RPA3: variants seen among roughly 807,000 people sequenced by gnomAD.
RPA3 encodes replication protein A3.
In RPA3, 24 loss-of-function variants were observed where a neutral mutation model predicts 13.7. The ratio of observed to expected loss-of-function variants is 1.75; its 90% CI spans 1.27 to 2.46. RPA3 has a LOEUF of 2.46. RPA3 is among the 30% of genes most tolerant of loss of function. RPA3 has a pLI of 0.00. For missense variants in RPA3, 183 were observed against 151.0 expected (o/e 1.21, Z -1.11); for synonymous variants, 59 against 51.2 (o/e 1.15, Z -0.65).
intron 2 of RPA3, among the ~76,000 whole-genome samples, chr7:7,699,542 G>A (rs992195729): frequency 6.6e-6 from 1 of 152,194 alleles, no homozygotes; most frequent in Non-Finnish European, 1.5e-5. Flanking sequence ...AACTGCTAGA[G>A]AACTGAATCC....
At chr7:7,680,413 C>T (rs1291356004) in intron 4 of RPA3, among the ~76,000 whole-genome samples, 6 of 152,006 alleles carry the variant, frequency 3.9e-5, no homozygotes, top group Non-Finnish European at 8.8e-5. Context: ...TGTTTTTATG[C>T]CGGTACTGTG....
chr7:7,700,567 T>TA (rs1361260195), intron 2 of RPA3, among the ~76,000 whole-genome samples: 1 of 151,638 alleles, frequency 6.6e-6, no homozygotes, highest in Non-Finnish European at 1.5e-5. Context: ...CTCTACAAAA[T>TA]AAAAACAACA....
chr7:7,707,154 A>C (rs1772023551), intron 2 of RPA3, among the ~76,000 whole-genome samples: 1 of 152,104 alleles, frequency 6.6e-6, no homozygotes, highest in Non-Finnish European at 1.5e-5. Flanking sequence ...ATTTGAGGAG[A>C]TGGAATAAAC....
intron 2 of RPA3, among the ~76,000 whole-genome samples, chr7:7,688,145 G>C (rs529674318): frequency 1.3e-5 from 2 of 152,150 alleles, no homozygotes; most frequent in African/African-American, 4.8e-5. Flanking sequence ...TATTTTTGGG[G>C]GGAGAACATT....
At chr7:7,673,367 CAGCAAT>C (rs1563108170) in intron 4 of RPA3, 2 of 1,105,528 alleles carry the variant, frequency 1.8e-6, no homozygotes, top group African/African-American at 3.2e-5. Context: ...GCAGCAGCAG[CAGCAAT>C]GTTTCACTTC....
rs370707320 is a variant in RPA3 at position 7,639,031 on chromosome 7, A to T, written c.174+39T>A. On this transcript the variant is annotated intron_variant, in intron 6 of 7. Transcript: ENST00000223129. ...CAAACCAAATCAAGATGAAGAATTA[A>T]CTATAATATATAAGAGACTTATTAA... 9 of 1,427,790 alleles carry T rather than the reference A, an allele frequency of 6.3e-6. No homozygotes were observed. In the African/African-American group the frequency reaches 7.2e-5, roughly 11 times the overall value. The allele number at this position is 1,427,790 out of a possible 1,614,324, so 88.4% of individuals were successfully genotyped here. A position where few individuals can be genotyped will look rare whatever the true frequency, so the allele number is the denominator to read the frequency against.
chr7:7,694,754 A>C (rs747740416), intron 2 of RPA3, among the ~76,000 whole-genome samples: 5 of 152,186 alleles, frequency 3.3e-5, no homozygotes, highest in Admixed American at 2.6e-4. Context: ...TCCATTGTGC[A>C]TACGTACCAC....
intron 2 of RPA3, among the ~76,000 whole-genome samples, chr7:7,701,218 T>A (rs1780455119): frequency 6.6e-6 from 1 of 151,730 alleles, no homozygotes; most frequent in Admixed American, 6.6e-5. Context: ...AGGAATGAAC[T>A]GTATCATTTC....
chr7:7,705,032 C>T (rs1007123534), intron 2 of RPA3, among the ~76,000 whole-genome samples: 1 of 152,070 alleles, frequency 6.6e-6, no homozygotes, highest in African/African-American at 2.4e-5. Context: ...TGCTTCTTGG[C>T]ATCTGTAACA....
intron 4 of RPA3, among the ~76,000 whole-genome samples, chr7:7,678,490 AAT>A (rs1390848822): frequency 1.4e-5 from 2 of 140,862 alleles, no homozygotes; most frequent in Admixed American, 7.3e-5. Flanking sequence ...ATTTATAGAT[AAT>A]ATATATTTAT....
At chr7:7,699,047 TGTGG>T (rs932863892) in intron 2 of RPA3, among the ~76,000 whole-genome samples, 3 of 121,548 alleles carry the variant, frequency 2.5e-5, no homozygotes, top group Non-Finnish European at 5.4e-5. Context: ...TGTGTGTGTG[TGTGG>T]GGGGGGGGTA....
chr7:7,641,252 T>G (rs1784965603), intron 4 of RPA3, 77 bp from the exon 5 acceptor site: 1 of 152,146 alleles, frequency 6.6e-6, no homozygotes. Context: ...GAGGCGCCGG[T>G]TCTTTCACCC....
At chr7:7,664,057 A>G (rs1201472065) in intron 4 of RPA3, among the ~76,000 whole-genome samples, 2 of 152,200 alleles carry the variant, frequency 1.3e-5, no homozygotes, top group Non-Finnish European at 2.9e-5. Context: ...GATTTCTACC[A>G]TCTGCACAGT....
At chr7:7,672,774 G>A (rs1187227980) in intron 4 of RPA3, among the ~76,000 whole-genome samples, 3 of 152,120 alleles carry the variant, frequency 2.0e-5, no homozygotes, top group Non-Finnish European at 2.9e-5. Context: ...TCACTCAGTC[G>A]AGGATATTTC....
chr7:7,651,563 T>G (rs980208196), intron 4 of RPA3, among the ~76,000 whole-genome samples: 9 of 152,214 alleles, frequency 5.9e-5, no homozygotes, highest in African/African-American at 2.2e-4. Context: ...TCCATCCTCA[T>G]GTTGATCTCA....
chr7:7,639,454 T>C (rs1784917836), intron 5 of RPA3, among the ~76,000 whole-genome samples: 2 of 152,204 alleles, frequency 1.3e-5, no homozygotes, highest in African/African-American at 2.4e-5. Flanking sequence ...AAGTGAAATC[T>C]GCTGGCACTC....
chr7:7,716,665 G>C (rs1309634314), intron 1 of RPA3, among the ~76,000 whole-genome samples: 1 of 152,126 alleles, frequency 6.6e-6, no homozygotes, highest in Non-Finnish European at 1.5e-5. Flanking sequence ...AGGCCGGCGC[G>C]GCCGGCGCGG....
At chr7:7,637,345 T>A (rs1784881351) in intron 7 of RPA3, among the ~76,000 whole-genome samples, 1 of 152,118 alleles carries the variant, frequency 6.6e-6, no homozygotes, top group Non-Finnish European at 1.5e-5. Flanking sequence ...ATTCCTTCAA[T>A]TCAGATATTA....
chr7:7,691,346 A>G (rs933436760), intron 2 of RPA3, among the ~76,000 whole-genome samples: 1 of 152,232 alleles, frequency 6.6e-6, no homozygotes, highest in Non-Finnish European at 1.5e-5. Flanking sequence ...AGTCGTCATC[A>G]TTATTTTATA....
Sources: gnomAD v4.1 joint callset for allele counts (sites outside exome capture counted in the v4.1 genomes callset) on GRCh38, gnomAD v4.1.1 for gene constraint, MANE v1.5 for transcripts, NCBI Gene and HGNC (gene_info 2026-07-23, HGNC 2026-07-21) for gene names.